The following NKAIN3 variants were observed in gnomAD, a reference collection of about 807,000 sequenced individuals.
The protein encoded by NKAIN3 is sodium/potassium transporting ATPase interacting 3, also known as sodium/potassium-transporting ATPase subunit beta-1-interacting protein 3.
NKAIN3 carries 25 observed loss-of-function variants against 30.2 expected under a neutral mutation model. The observed-to-expected ratio is 0.83, with a 90% CI of 0.60 to 1.16. The LOEUF (loss-of-function observed/expected upper bound fraction) is 1.16. Ranked by LOEUF, NKAIN3 falls within the 50% of genes most tolerant of loss-of-function variation. NKAIN3 has a pLI of 0.00. For synonymous variants in NKAIN3, 91 were observed against 89.6 expected (o/e 1.02, Z -0.09); for missense variants, 225 against 254.1 (o/e 0.89, Z 0.78).
chr8:62,473,523 A>G (rs1806423104), intron 1 of NKAIN3: 1 of 152,206 alleles, frequency 6.6e-6, no homozygotes, highest in African/African-American at 2.4e-5. Flanking sequence ...GACCTATACC[A>G]TAAAATTGAT....
chr8:62,767,707 C>T (rs1293223851), intron 4 of NKAIN3, among the ~76,000 whole-genome samples: 1 of 151,970 alleles, frequency 6.6e-6, no homozygotes, highest in Admixed American at 6.6e-5. Context: ...CTAGACCGAT[C>T]TTCTCACAAC....
chr8:62,254,093 G>T (rs769511222), intron 1 of NKAIN3, among the ~76,000 whole-genome samples: 1 of 151,702 alleles, frequency 6.6e-6, no homozygotes, highest in Non-Finnish European at 1.5e-5. Flanking sequence ...ACCATTCTGC[G>T]TTGGCAAATA....
At chr8:62,456,150 C>A (rs923497896) in intron 1 of NKAIN3, among the ~76,000 whole-genome samples, 1 of 152,112 alleles carries the variant, frequency 6.6e-6, no homozygotes, top group Non-Finnish European at 1.5e-5. Context: ...ATTTTTGGGT[C>A]ACAGTTGGCC....
chr8:62,938,797 G>T (rs1822862783), intron 5 of NKAIN3, among the ~76,000 whole-genome samples: 1 of 152,154 alleles, frequency 6.6e-6, no homozygotes, highest in Non-Finnish European at 1.5e-5. Flanking sequence ...CTACCCAAAT[G>T]AGAAGGAACC....
chr8:62,253,075 C>T (rs1056117661), intron 1 of NKAIN3, among the ~76,000 whole-genome samples: 22 of 152,170 alleles, frequency 1.4e-4, no homozygotes, highest in African/African-American at 5.1e-4. Flanking sequence ...GCATGTTCAA[C>T]ACATCTTCGT....
intron 1 of NKAIN3, among the ~76,000 whole-genome samples, chr8:62,491,433 C>T (rs1359062203): frequency 6.6e-6 from 1 of 152,172 alleles, no homozygotes; most frequent in Non-Finnish European, 1.5e-5. Context: ...AGTGTCAGAG[C>T]TTCCCTTGCC....
intron 3 of NKAIN3, among the ~76,000 whole-genome samples, chr8:62,679,636 G>A (rs1251918268): frequency 1.3e-5 from 2 of 152,128 alleles, no homozygotes; most frequent in African/African-American, 4.8e-5. Context: ...GAAGGTGAAG[G>A]GGAAGCAGAC....
intron 3 of NKAIN3, among the ~76,000 whole-genome samples, chr8:62,669,896 T>C (rs1235494672): frequency 6.6e-6 from 1 of 152,088 alleles, no homozygotes; most frequent in East Asian, 1.9e-4. Context: ...GACTGGAGAG[T>C]CACTTGATTT....
At chr8:62,499,412 G>A (rs1490943581) in intron 1 of NKAIN3, among the ~76,000 whole-genome samples, 3 of 151,952 alleles carry the variant, frequency 2.0e-5, no homozygotes, top group African/African-American at 7.3e-5. Context: ...TGTTCTTTTT[G>A]ATGCCTATCT....
At chr8:62,286,655 T>C (rs1341683914) in intron 1 of NKAIN3, among the ~76,000 whole-genome samples, 2 of 152,154 alleles carry the variant, frequency 1.3e-5, no homozygotes, top group Non-Finnish European at 2.9e-5. Flanking sequence ...CCATGGCAAG[T>C]CACTGCTACT....
At chr8:62,280,702 C>G (rs1312919021) in intron 1 of NKAIN3, among the ~76,000 whole-genome samples, 2 of 152,120 alleles carry the variant, frequency 1.3e-5, no homozygotes, top group Non-Finnish European at 2.9e-5. Flanking sequence ...CGTTGAACCA[C>G]CCTTGCATCC....
intron 1 of NKAIN3, among the ~76,000 whole-genome samples, chr8:62,467,800 T>A (rs2129599852): frequency 6.6e-6 from 1 of 152,272 alleles, no homozygotes; most frequent in East Asian, 1.9e-4. Flanking sequence ...AGGTTTCACT[T>A]TGTCACCCAG....
intron 1 of NKAIN3, among the ~76,000 whole-genome samples, chr8:62,449,404 A>C (rs1486398222): frequency 2.0e-5 from 3 of 152,062 alleles, no homozygotes; most frequent in Admixed American, 2.0e-4. Flanking sequence ...GTGAAAGCAT[A>C]AAATATGTAA....
intron 1 of NKAIN3, among the ~76,000 whole-genome samples, chr8:62,291,552 G>T (rs890539134): frequency 6.6e-6 from 1 of 152,216 alleles, no homozygotes; most frequent in East Asian, 1.9e-4. Flanking sequence ...GATGTTTTGA[G>T]TGAATTTCTT....
At chr8:62,452,494 AAAT>A (rs1805672520) in intron 1 of NKAIN3, among the ~76,000 whole-genome samples, 1 of 152,068 alleles carries the variant, frequency 6.6e-6, no homozygotes, top group African/African-American at 2.4e-5. Flanking sequence ...ATAAATAAAT[AAAT>A]AAACAAACAA....
intron 1 of NKAIN3, among the ~76,000 whole-genome samples, chr8:62,504,040 A>G (rs1563429553): frequency 6.6e-6 from 1 of 152,220 alleles, no homozygotes. Context: ...TTCACAATTT[A>G]TATTCCTCTG....
chr8:62,308,202 C>G lies in NKAIN3; in HGVS notation c.54+59075C>G, dbSNP rs145692662. On this transcript the variant is annotated intron_variant, in intron 1 of 6. Coordinates refer to ENST00000623646, the MANE Select transcript of NKAIN3 (RefSeq NM_001304533.3). The stretch of plus-strand genomic sequence containing the variant: ...TAATTACTTTTTCTTGAGGATAACT[C>G]TGTGTTGTTTAGTCAGCTGTACCTC... 6.9e-3 allele frequency among the ~76,000 whole-genome samples: 1,039 copies of G among 150,054 alleles called. 95 individuals carry two copies. Among genetic ancestry groups the G allele is most frequent in the African/African-American group, 0.025 (988 of 39,560 alleles).
At chr8:62,654,913 C>T (rs892417552) in intron 3 of NKAIN3, among the ~76,000 whole-genome samples, 4 of 152,058 alleles carry the variant, frequency 2.6e-5, no homozygotes, top group East Asian at 1.9e-4. Flanking sequence ...TGGGGAAGGA[C>T]GATAGCAGGA....
At chr8:62,536,142 C>G (rs1001761525) in intron 1 of NKAIN3, among the ~76,000 whole-genome samples, 1 of 152,066 alleles carries the variant, frequency 6.6e-6, no homozygotes, top group Non-Finnish European at 1.5e-5. Context: ...AGAAATGACT[C>G]TATTTTTGGA....
Sources: gnomAD v4.1 joint callset for allele counts (sites outside exome capture counted in the v4.1 genomes callset) on GRCh38, gnomAD v4.1.1 for gene constraint, MANE v1.5 for transcripts, NCBI Gene and HGNC (gene_info 2026-07-23, HGNC 2026-07-21) for gene names.